Variants in TASP1 observed in about 807,000 individuals in gnomAD.
TASP1 encodes the protein taspase 1, also known as threonine aspartase 1.
A neutral mutation model predicts 56.6 loss-of-function variants in TASP1; 16 were observed. The observed-to-expected ratio is 0.28, with a 90% CI of 0.19 to 0.43. The LOEUF is 0.43. Ranked by LOEUF, TASP1 falls within the 20% of genes least tolerant of loss-of-function variation. The pLI is 1.00. For missense variants in TASP1, 393 were observed against 511.6 expected (o/e 0.77, Z 2.24); for synonymous variants, 179 against 184.2 (o/e 0.97, Z 0.23).
chr20:13,516,546 A>C (rs1391416008), intron 10 of TASP1, among the ~76,000 whole-genome samples: 1 of 151,936 alleles, frequency 6.6e-6, no homozygotes, highest in African/African-American at 2.4e-5. Context: ...AGCAGGTAGT[A>C]CTCCACAATG....
chr20:13,438,609 T>A (rs1421676159), intron 11 of TASP1, among the ~76,000 whole-genome samples: 3 of 152,128 alleles, frequency 2.0e-5, no homozygotes, highest in African/African-American at 7.2e-5. Flanking sequence ...GGACTTTATG[T>A]CTAAAACACC....
At chr20:13,219,897 G>A in the TASP1 span, among the ~76,000 whole-genome samples, 1 of 152,212 alleles carries the variant, frequency 6.6e-6, no homozygotes, top group African/African-American at 2.4e-5. Flanking sequence ...GAAAGCAGTT[G>A]AATTAAGAAT....
At chr20:13,544,880 A>G (rs181083637) in intron 8 of TASP1, among the ~76,000 whole-genome samples, 52 of 152,346 alleles carry the variant, frequency 3.4e-4, no homozygotes, top group Admixed American at 2.9e-3. Context: ...ACTGGAAGGT[A>G]ACATGGACAA....
downstream of TASP1, among the ~76,000 whole-genome samples, chr20:13,387,498 C>CT (rs1264152940): frequency 6.6e-6 from 1 of 150,806 alleles, no homozygotes; most frequent in Non-Finnish European, 1.5e-5. Context: ...TGATTTCATT[C>CT]TTTTTTATGG....
chr20:13,139,405 A>T, the TASP1 span, among the ~76,000 whole-genome samples: 1 of 152,188 alleles, frequency 6.6e-6, no homozygotes, highest in East Asian at 1.9e-4. Context: ...ATTTTTTCCT[A>T]ACATAAAGTC....
the TASP1 span, among the ~76,000 whole-genome samples, chr20:13,236,590 A>G: frequency 6.6e-6 from 1 of 152,186 alleles, no homozygotes. Context: ...CCAAAGTCTC[A>G]TCTGAGACAA....
the TASP1 span, chr20:13,299,603 C>G: frequency 1.2e-6 from 1 of 823,182 alleles, no homozygotes. This position sits in a 1 kb window ranked among gnomAD's most constrained non-coding sequence, Gnocchi z 5.8. Flanking sequence ...ATACATTACG[C>G]TAGGGGCGTG....
At chr20:13,221,498 G>T in the TASP1 span, among the ~76,000 whole-genome samples, 8 of 144,128 alleles carry the variant, frequency 5.6e-5, no homozygotes, top group East Asian at 1.7e-3. Flanking sequence ...CAGCGCCGGG[G>T]CTTGCTCCGC....
intron 13 of TASP1, among the ~76,000 whole-genome samples, chr20:13,404,168 A>G (rs1401651065): frequency 6.6e-6 from 1 of 152,162 alleles, no homozygotes; most frequent in Non-Finnish European, 1.5e-5. Flanking sequence ...AACTTCATAT[A>G]AATAGAATAA....
At chr20:13,267,752 A>G in the TASP1 span, among the ~76,000 whole-genome samples, 1 of 152,234 alleles carries the variant, frequency 6.6e-6, no homozygotes, top group Non-Finnish European at 1.5e-5. Context: ...TTCTTCTAAA[A>G]TGTAAGTGTT....
intron 9 of TASP1, among the ~76,000 whole-genome samples, chr20:13,532,926 G>C (rs557832895): frequency 6.6e-6 from 1 of 152,282 alleles, no homozygotes; most frequent in East Asian, 1.9e-4. Context: ...CTTTTACAAT[G>C]AGTTAAAGCA....
chr20:13,406,662 TTTTTTC>T (rs1477036369), intron 13 of TASP1, among the ~76,000 whole-genome samples: 13 of 104,736 alleles, frequency 1.2e-4, no homozygotes, highest in African/African-American at 8.1e-4. Flanking sequence ...ATTTTGAGGG[TTTTTTC>T]TTTTTTTTTT....
chr20:13,285,106 G>A, the TASP1 span, among the ~76,000 whole-genome samples: 1 of 152,162 alleles, frequency 6.6e-6, no homozygotes, highest in African/African-American at 2.4e-5. Flanking sequence ...GGGCAACATA[G>A]TGAAACCTCA....
chr20:13,337,967 G>T, the TASP1 span, among the ~76,000 whole-genome samples: 1 of 152,146 alleles, frequency 6.6e-6, no homozygotes, highest in Non-Finnish European at 1.5e-5. Flanking sequence ...ACCAGAAAAG[G>T]GTCCTGATCG....
At chr20:13,583,140 T>C (rs894041358) in intron 5 of TASP1, among the ~76,000 whole-genome samples, 7 of 152,188 alleles carry the variant, frequency 4.6e-5, no homozygotes, top group Non-Finnish European at 7.3e-5. Flanking sequence ...CTCAGCCCCA[T>C]AGGCACACAT....
At chr20:13,454,231 A>C (rs2043741747) in intron 11 of TASP1, among the ~76,000 whole-genome samples, 1 of 152,128 alleles carries the variant, frequency 6.6e-6, no homozygotes, top group African/African-American at 2.4e-5. Context: ...ATATCTTCAG[A>C]AATAAAATCT....
At chr20:13,432,060 C>A (rs1258980415) in intron 12 of TASP1, among the ~76,000 whole-genome samples, 2 of 152,144 alleles carry the variant, frequency 1.3e-5, no homozygotes, top group Non-Finnish European at 2.9e-5. Context: ...GCAATAGAAA[C>A]AGACTAACAG....
intron 4 of TASP1, among the ~76,000 whole-genome samples, chr20:13,606,878 A>T (rs2048181205): frequency 6.6e-6 from 1 of 152,112 alleles, no homozygotes; most frequent in Non-Finnish European, 1.5e-5. Context: ...TGCCTGGCAC[A>T]TGGCAGGTAG....
chr20:13,485,546 A>G (rs2043294413), intron 10 of TASP1, among the ~76,000 whole-genome samples: 1 of 152,196 alleles, frequency 6.6e-6, no homozygotes, highest in African/African-American at 2.4e-5. Context: ...AAATGCAAAC[A>G]TCCTTCAGGA....
Sources: allele counts gnomAD v4.1 joint callset (sites outside exome capture counted in the v4.1 genomes callset), GRCh38; gene constraint gnomAD v4.1.1; non-coding constraint Gnocchi (gnomAD v3.1); transcripts MANE v1.5; gene names NCBI Gene and HGNC (gene_info 2026-07-23, HGNC 2026-07-21).